The following SUN3 variants were observed in gnomAD, a reference collection of about 807,000 sequenced individuals.
SUN3 encodes Sad1 and UNC84 domain containing 3.
SUN3 carries 36 observed loss-of-function variants against 48.2 expected under a neutral mutation model. The observed-to-expected ratio is 0.75, with a 90% confidence interval of 0.57 to 0.99. SUN3 has a LOEUF of 0.99. SUN3 is among the 50% of genes least tolerant of loss of function. The pLI is 0.00. For synonymous variants in SUN3, 148 were observed against 147.9 expected, an observed-to-expected ratio of 1.00 and a Z score of 0.00; for missense variants, 419 against 433.1, an observed-to-expected ratio of 0.97 and a Z score of 0.29.
chr7:48,035,044 ATC>A, the SUN3 span, among the ~76,000 whole-genome samples: 1 of 152,158 alleles, frequency 6.6e-6, no homozygotes, highest in Non-Finnish European at 1.5e-5. This position sits in a 1 kb window ranked among gnomAD's most constrained non-coding sequence, Gnocchi z 4.0. Flanking sequence ...TTACTCCTGC[ATC>A]TCATTAGTAA....
intron 3 of SUN3, among the ~76,000 whole-genome samples, chr7:48,009,957 G>C (rs972259826): frequency 6.6e-6 from 1 of 152,070 alleles, no homozygotes; most frequent in Non-Finnish European, 1.5e-5. Context: ...AGCTCATCCT[G>C]CTGTGTGTCT....
chr7:47,987,811 G>A (rs2128768386), intron 9 of SUN3, among the ~76,000 whole-genome samples: 1 of 152,256 alleles, frequency 6.6e-6, no homozygotes, highest in Non-Finnish European at 1.5e-5. Context: ...TGGGATTACA[G>A]GTGTAAGCCA....
At chr7:47,999,723 C>T (rs1242701579) in intron 6 of SUN3, among the ~76,000 whole-genome samples, 3 of 152,038 alleles carry the variant, frequency 2.0e-5, no homozygotes, top group South Asian at 2.1e-4. Flanking sequence ...TTAGTACAGC[C>T]GGGGTTTCAC....
rs17132030 is a variant in SUN3, at chr7:48,025,806, T to C, written c.184+71A>G. On this transcript the variant is annotated intron_variant, in intron 2 of 9. Coordinates refer to ENST00000297325, the MANE Select transcript of SUN3 (RefSeq NM_001030019.2). ...TTATTTACAAATATGAGTCATTCCG[T>C]TGAGATCTCTCTCACCAGGCAGACA... The C allele has an allele frequency of 0.022, 22,992 of 1,052,992 alleles. 3,254 individuals are homozygous for C. In the African/African-American group the frequency reaches 0.31, roughly 14 times the overall value. The allele number at this position is 1,052,992 out of a possible 1,614,324, so 65.2% of individuals were successfully genotyped here.
chr7:47,993,160 A>G (rs1314317167), intron 8 of SUN3, among the ~76,000 whole-genome samples: 1 of 152,254 alleles, frequency 6.6e-6, no homozygotes, highest in East Asian at 1.9e-4. Flanking sequence ...AGTACACTAA[A>G]TAGCTCAACT....
chr7:48,004,822 C>G (rs1789479659), intron 6 of SUN3, among the ~76,000 whole-genome samples: 1 of 152,264 alleles, frequency 6.6e-6, no homozygotes, highest in Non-Finnish European at 1.5e-5. Context: ...AGGCTCACAT[C>G]TGCAGTTTTT....
intron 6 of SUN3, among the ~76,000 whole-genome samples, chr7:47,998,151 T>G (rs182506648): frequency 1.6e-4 from 25 of 152,378 alleles, no homozygotes; most frequent in Admixed American, 1.5e-3. Flanking sequence ...ATTGTCAAAC[T>G]TTGCCAGAGT....
chr7:48,030,799 T>A (rs1790245528), upstream of SUN3, among the ~76,000 whole-genome samples: 1 of 152,208 alleles, frequency 6.6e-6, no homozygotes, highest in African/African-American at 2.4e-5. Flanking sequence ...TGGGTCAAAG[T>A]CTATGTGTAT....
intron 3 of SUN3, among the ~76,000 whole-genome samples, chr7:48,014,175 G>A (rs1273469107): frequency 6.6e-6 from 1 of 152,080 alleles, no homozygotes; most frequent in Non-Finnish European, 1.5e-5. Flanking sequence ...GGAGCCAAGC[G>A]ATCTGCCCAC....
chr7:48,004,293 T>A (rs1789465587), intron 6 of SUN3, among the ~76,000 whole-genome samples: 1 of 152,218 alleles, frequency 6.6e-6, no homozygotes, highest in South Asian at 2.1e-4. Flanking sequence ...ATACTGAATA[T>A]TATACTGTAA....
chr7:48,012,908 C>G (rs1789721413), intron 3 of SUN3, among the ~76,000 whole-genome samples: 1 of 152,192 alleles, frequency 6.6e-6, no homozygotes, highest in East Asian at 1.9e-4. Context: ...GCCCTTTGAC[C>G]TCCTACCACG....
chr7:48,034,068 T>G (rs1249663708), upstream of SUN3, among the ~76,000 whole-genome samples: 3 of 152,110 alleles, frequency 2.0e-5, no homozygotes, highest in Non-Finnish European at 2.9e-5. Context: ...TCTAAATAAA[T>G]AAATAAACTT....
At chr7:47,991,005 C>T (rs1156407248) in intron 8 of SUN3, 1 of 449,592 alleles carries the variant, frequency 2.2e-6, no homozygotes, top group Non-Finnish European at 4.5e-6. Flanking sequence ...GGTATTACTA[C>T]TTACCGCCTG....
At chr7:48,020,575 A>T (rs563286799) in intron 2 of SUN3, among the ~76,000 whole-genome samples, 62 of 152,202 alleles carry the variant, frequency 4.1e-4, no homozygotes, top group African/African-American at 1.4e-3. Flanking sequence ...AAACTATTAG[A>T]ACTGATAAAT....
At chr7:47,998,194 T>C (rs1274634347) in intron 6 of SUN3, among the ~76,000 whole-genome samples, 14 of 152,246 alleles carry the variant, frequency 9.2e-5, no homozygotes, top group Admixed American at 9.2e-4. Flanking sequence ...ACCCACAGTG[T>C]ATGAGAGGTC....
intron 8 of SUN3, among the ~76,000 whole-genome samples, chr7:47,993,636 G>A (rs1040434845): frequency 2.6e-5 from 4 of 152,166 alleles, no homozygotes; most frequent in African/African-American, 9.7e-5. Flanking sequence ...AAGTAGACCA[G>A]TGGTTGCCAG....
chr7:48,028,889 C>A lies in SUN3; in HGVS notation c.50G>T (p.Cys17Phe). 6.2e-7 allele frequency: 1 copy of A among 1,614,004 alleles called. No individual in the cohort carries two copies. The highest frequency in any genetic ancestry group is 8.5e-7 in the Non-Finnish European group (1 of 1,179,872). The change falls in exon 1 of 10, where the codon TGC (cysteine) becomes TTC (phenylalanine). Residue 17 changes from cysteine (C) to phenylalanine (F), a missense_variant. Cys to Phe is a radical substitution (Grantham distance 205). Transcript: ENST00000297325. ...ARRAAMFFRR[C>F]SEDASGSASG... ...GGCGCTACCGCTGGCGTCTTCAGAGCAACGTCTAAAAAACATGGCAGCCCT... is the reference window on the plus strand; with the variant it reads ...GGCGCTACCGCTGGCGTCTTCAGAGAAACGTCTAAAAAACATGGCAGCCCT...
chr7:48,006,216 C>A (rs1364201579), intron 5 of SUN3, among the ~76,000 whole-genome samples, 163 bp from the exon 6 acceptor site: 1 of 152,160 alleles, frequency 6.6e-6, no homozygotes, highest in East Asian at 1.9e-4. Context: ...TCTGGACTGA[C>A]ACCTTCACAG....
intron 8 of SUN3, among the ~76,000 whole-genome samples, chr7:47,989,131 T>C (rs1788981230): frequency 6.6e-6 from 1 of 152,140 alleles, no homozygotes; most frequent in African/African-American, 2.4e-5. Context: ...GATAGAGAGC[T>C]AGATAGATAG....
Sources: allele counts gnomAD v4.1 joint callset (sites outside exome capture counted in the v4.1 genomes callset), GRCh38; gene constraint gnomAD v4.1.1; non-coding constraint Gnocchi (gnomAD v3.1); transcripts MANE v1.5; gene names NCBI Gene and HGNC (gene_info 2026-07-23, HGNC 2026-07-21).